The following SMARCA1 variants were observed in gnomAD, a reference collection of about 807,000 sequenced individuals.
SMARCA1 encodes SNF2 related chromatin remodeling ATPase 1.
Under a neutral mutation model 93.6 loss-of-function variants are expected in SMARCA1, and 17 were observed. The ratio of observed to expected loss-of-function variants is 0.18; its 90% CI spans 0.12 to 0.27. The LOEUF is 0.27. Ranked by LOEUF, SMARCA1 falls within the 10% of genes least tolerant of loss-of-function variation. SMARCA1 has a pLI of 1.00. For synonymous variants in SMARCA1, 271 were observed against 271.4 expected, an observed-to-expected ratio of 1.00 and a Z score of 0.01; for missense variants, 630 against 819.0, an observed-to-expected ratio of 0.77 and a Z score of 2.82.
At chrX:129,467,714 T>C (rs1349254989) in intron 21 of SMARCA1, among the ~76,000 whole-genome samples, 1 of 110,990 alleles carries the variant, frequency 9.0e-6, no homozygotes, top group Non-Finnish European at 1.9e-5. Context: ...GCTAGATAAA[T>C]TAAAAGCTGT....
intron 23 of SMARCA1, among the ~76,000 whole-genome samples, chrX:129,463,863 G>C (rs1462835121): frequency 4.5e-5 from 5 of 111,386 alleles, no homozygotes; most frequent in African/African-American, 1.6e-4. Context: ...CTTGAACCCG[G>C]GAGGTGGAGG....
chrX:129,475,117 A>AC (rs34346400), intron 19 of SMARCA1, among the ~76,000 whole-genome samples: 19 of 109,155 alleles, frequency 1.7e-4, no homozygotes, highest in Non-Finnish European at 3.2e-4. Flanking sequence ...ATAAAAAAAA[A>AC]CCTTAATAGT....
chrX:129,448,995 C>T (rs974616930), intron 23 of SMARCA1, among the ~76,000 whole-genome samples: 5 of 108,915 alleles, frequency 4.6e-5, no homozygotes, highest in Non-Finnish European at 9.5e-5. Flanking sequence ...CACACACGAG[C>T]GCATGTATAA....
chrX:129,452,807 A>T (rs1302510266), intron 23 of SMARCA1, among the ~76,000 whole-genome samples: 2 of 112,193 alleles, frequency 1.8e-5, no homozygotes, highest in Non-Finnish European at 3.8e-5. Context: ...CTTCATAGAT[A>T]TTGTGCTTTT....
At chrX:129,447,270 T>C (rs1932053362) in intron 24 of SMARCA1, 37 bp from the exon 25 acceptor site, 1 of 1,124,248 alleles carries the variant, frequency 8.9e-7, no homozygotes, top group Non-Finnish European at 1.2e-6. Flanking sequence ...TGCTCCAATA[T>C]GCACATTTTA....
At chrX:129,480,912 A>C in intron 18 of SMARCA1, 98 bp from the exon 19 acceptor site, 3 of 606,584 alleles carry the variant, frequency 4.9e-6, no homozygotes. Flanking sequence ...AACAATAAAT[A>C]CAATAAAATC....
chrX:129,472,611 G>C (rs773053745), intron 19 of SMARCA1, among the ~76,000 whole-genome samples: 16 of 111,675 alleles, frequency 1.4e-4, no homozygotes, highest in Admixed American at 4.8e-4. Context: ...AATCAAATTA[G>C]CAGGTATTGA....
At chrX:129,513,060 T>C (rs1385259815) in intron 5 of SMARCA1, among the ~76,000 whole-genome samples, 3 of 112,207 alleles carry the variant, frequency 2.7e-5, no homozygotes, top group Non-Finnish European at 5.6e-5. Flanking sequence ...TACAATATGA[T>C]TTCAACTATA....
chrX:129,499,005 A>G (rs1055695695), intron 10 of SMARCA1, among the ~76,000 whole-genome samples: 13 of 110,120 alleles, frequency 1.2e-4, no homozygotes, highest in African/African-American at 4.0e-4. Context: ...CACTAGTAAT[A>G]TGGTTATAAT....
chrX:129,520,580 T>G (rs1935352760), intron 1 of SMARCA1, among the ~76,000 whole-genome samples: 1 of 108,643 alleles, frequency 9.2e-6, no homozygotes, highest in African/African-American at 3.4e-5. Context: ...CAACAGTAAA[T>G]GACATGGAAA....
At chrX:129,502,950 C>T (rs1673729553) in intron 9 of SMARCA1, among the ~76,000 whole-genome samples, 1 of 112,076 alleles carries the variant, frequency 8.9e-6, no homozygotes, top group African/African-American at 3.2e-5. Flanking sequence ...CAAGGATTCA[C>T]ATGGAAGAAT....
At chrX:129,510,179 T>C (rs895870863) in intron 6 of SMARCA1, among the ~76,000 whole-genome samples, 5 of 112,419 alleles carry the variant, frequency 4.4e-5, no homozygotes, top group African/African-American at 1.3e-4. Flanking sequence ...CAATCCAGTA[T>C]ATACATATAT....
chrX:129,455,448 C>T (rs1602644891), intron 23 of SMARCA1, among the ~76,000 whole-genome samples: 2 of 100,377 alleles, frequency 2.0e-5, no homozygotes, highest in African/African-American at 7.4e-5. Flanking sequence ...CACACTGGGG[C>T]CTGTTGGGGG....
chrX:129,465,971 C>CA lies in SMARCA1; in HGVS notation c.2699-10dup, dbSNP rs1433587167. On this transcript the variant is annotated splice_polypyrimidine_tract_variant and intron_variant, in intron 21 of 24. Transcript: ENST00000371121. ...ACGTTCCCAAAATACAGCTGAAAAA[C>CA]AGAGTTATTTCTTTAAAATCCTATC... 1 of 911,934 alleles carries CA rather than the reference C, an allele frequency of 1.1e-6. No individual in the cohort carries two copies. Among genetic ancestry groups the CA allele is most frequent in the South Asian group, 2.4e-5 (1 of 41,378 alleles). 75.2% of individuals were successfully genotyped at this position (911,934 alleles called of 1,213,427 possible). A position where few individuals can be genotyped will look rare whatever the true frequency, so the allele number is the denominator to read the frequency against.
chrX:129,448,282 T>C (rs373537388), intron 24 of SMARCA1, 51 bp downstream of exon 24: 100 of 1,117,953 alleles, frequency 8.9e-5, no homozygotes, highest in Non-Finnish European at 1.1e-4. Context: ...ATTTTAATTA[T>C]GTAAAAAAAT....
At chrX:129,521,649 A>G (rs905991190) in intron 1 of SMARCA1, among the ~76,000 whole-genome samples, 7 of 112,319 alleles carry the variant, frequency 6.2e-5, no homozygotes, top group African/African-American at 2.3e-4. Context: ...CCTGCCATAC[A>G]AAAGGCAGTT....
chrX:129,501,277 T>G (rs1934543793), intron 9 of SMARCA1, among the ~76,000 whole-genome samples: 2 of 106,739 alleles, frequency 1.9e-5, no homozygotes, highest in African/African-American at 3.5e-5. Context: ...AAAACAAATA[T>G]ATGATATGTG....
chrX:129,508,831 C>A (rs1035609629), intron 6 of SMARCA1, among the ~76,000 whole-genome samples: 1 of 112,062 alleles, frequency 8.9e-6, no homozygotes, highest in African/African-American at 3.2e-5. Context: ...TGTTATCAGT[C>A]AAAATAAAAC....
intron 2 of SMARCA1, among the ~76,000 whole-genome samples, chrX:129,517,455 TAACATA>T (rs1359716862): frequency 9.0e-6 from 1 of 111,096 alleles, no homozygotes; most frequent in East Asian, 2.8e-4. Context: ...AAGAGTTCAT[TAACATA>T]AACATAAGAG....
Sources: gnomAD v4.1 joint callset for allele counts (sites outside exome capture counted in the v4.1 genomes callset) on GRCh38, gnomAD v4.1.1 for gene constraint, MANE v1.5 for transcripts, NCBI Gene and HGNC (gene_info 2026-07-23, HGNC 2026-07-21) for gene names.